The following AGBL4 variants were observed in gnomAD, a reference collection of about 807,000 sequenced individuals.
AGBL4 encodes the protein AGBL carboxypeptidase 4, also known as cytosolic carboxypeptidase 6.
Under a neutral mutation model 66.4 loss-of-function variants are expected in AGBL4, and 58 were observed. That is an observed-to-expected ratio of 0.87 (90% CI 0.71 to 1.09). The LOEUF is 1.09. Among genes scored for constraint, AGBL4 ranks in the 50% least tolerant of loss-of-function variants. The probability of loss-of-function intolerance (pLI) is 0.00; values close to 1 mark genes in which losing one functional copy is unlikely to be tolerated. For synonymous variants in AGBL4, 234 were observed against 222.9 expected (o/e 1.05, Z -0.44); for missense variants, 579 against 631.0 (o/e 0.92, Z 0.88).
intron 8 of AGBL4, among the ~76,000 whole-genome samples, chr1:48,647,101 C>T (rs1056004161): frequency 2.6e-5 from 4 of 152,184 alleles, no homozygotes; most frequent in Admixed American, 2.0e-4. Flanking sequence ...CTGGAGCATC[C>T]TTTGCTACAT....
At chr1:48,688,714 T>G (rs1266831438) in intron 6 of AGBL4, among the ~76,000 whole-genome samples, 1 of 152,044 alleles carries the variant, frequency 6.6e-6, no homozygotes, top group Non-Finnish European at 1.5e-5. Context: ...CTCCCAGCTT[T>G]GGACCAAAAG....
intron 1 of AGBL4, among the ~76,000 whole-genome samples, chr1:49,964,452 T>C (rs1045383794): frequency 6.6e-6 from 1 of 152,124 alleles, no homozygotes; most frequent in Non-Finnish European, 1.5e-5. Flanking sequence ...GTAAGAGTAC[T>C]AGAAGTAGCA....
At chr1:49,291,794 T>C (rs1014133277) in intron 3 of AGBL4, among the ~76,000 whole-genome samples, 2 of 152,172 alleles carry the variant, frequency 1.3e-5, no homozygotes, top group Non-Finnish European at 2.9e-5. Context: ...TGGCTGGGGC[T>C]GCACATTCCA....
chr1:48,924,982 A>T (rs1214934172), intron 5 of AGBL4, among the ~76,000 whole-genome samples: 1 of 152,174 alleles, frequency 6.6e-6, no homozygotes, highest in African/African-American at 2.4e-5. Context: ...AAATATTTTA[A>T]GTCAGAAACG....
chr1:48,760,567 G>A (rs902330159), intron 6 of AGBL4, among the ~76,000 whole-genome samples: 1 of 152,166 alleles, frequency 6.6e-6, no homozygotes, highest in African/African-American at 2.4e-5. Context: ...GAGACCCCTG[G>A]AGGCAAGGAC....
At chr1:49,980,570 T>C (rs1366848953) in intron 1 of AGBL4, among the ~76,000 whole-genome samples, 2 of 152,182 alleles carry the variant, frequency 1.3e-5, no homozygotes, top group Non-Finnish European at 2.9e-5. Context: ...GTCCTCCAGG[T>C]TCACCATGTT....
chr1:49,450,779 T>G (rs966258905), intron 3 of AGBL4, among the ~76,000 whole-genome samples: 1 of 152,090 alleles, frequency 6.6e-6, no homozygotes, highest in Non-Finnish European at 1.5e-5. Context: ...GAACTTTCAG[T>G]AAATCTGCCT....
At chr1:49,127,769 C>G (rs143810322) in intron 4 of AGBL4, among the ~76,000 whole-genome samples, 15 of 151,976 alleles carry the variant, frequency 9.9e-5, no homozygotes, top group Non-Finnish European at 2.2e-4. Context: ...CCAAACTATC[C>G]GTAGAGTAAA....
intron 5 of AGBL4, among the ~76,000 whole-genome samples, chr1:48,878,016 A>C (rs1260631959): frequency 6.6e-6 from 1 of 152,206 alleles, no homozygotes; most frequent in Non-Finnish European, 1.5e-5. Flanking sequence ...TTCACTCAGA[A>C]GTTTCATATT....
intron 3 of AGBL4, among the ~76,000 whole-genome samples, chr1:49,329,388 G>A (rs145865264): frequency 4.0e-5 from 6 of 151,828 alleles, no homozygotes; most frequent in Admixed American, 6.6e-5. Flanking sequence ...AAAATGTGCC[G>A]GGCGCGGTGG....
At chr1:48,729,122 T>A (rs1276878364) in intron 6 of AGBL4, among the ~76,000 whole-genome samples, 2 of 152,210 alleles carry the variant, frequency 1.3e-5, no homozygotes, top group Non-Finnish European at 2.9e-5. Context: ...TTTTTAATGC[T>A]GCCATGAGGC....
At chr1:48,641,786 C>G (rs1381055440) in intron 8 of AGBL4, among the ~76,000 whole-genome samples, 2 of 152,050 alleles carry the variant, frequency 1.3e-5, no homozygotes, top group Admixed American at 1.3e-4. Context: ...CCAGTCTGCC[C>G]AACTCTAAAG....
chr1:49,965,374 G>A (rs1228777938), intron 1 of AGBL4, among the ~76,000 whole-genome samples: 2 of 152,200 alleles, frequency 1.3e-5, no homozygotes, highest in Non-Finnish European at 2.9e-5. Context: ...AAAGCAGAGA[G>A]CTGAGAAGAG....
At chr1:48,776,703 GC>G (rs1480199258) in intron 6 of AGBL4, 2 of 1,519,344 alleles carry the variant, frequency 1.3e-6, no homozygotes, top group Admixed American at 2.1e-5. Context: ...ATTCCTCCGG[GC>G]CCCGGTACAC....
intron 1 of AGBL4, among the ~76,000 whole-genome samples, chr1:49,896,397 AC>A (rs921776668): frequency 6.6e-6 from 1 of 152,036 alleles, no homozygotes; most frequent in Non-Finnish European, 1.5e-5. Flanking sequence ...ATAGATTTTA[AC>A]AAAGCATTTC....
intron 3 of AGBL4, among the ~76,000 whole-genome samples, chr1:49,495,825 A>G (rs563618632): frequency 2.4e-4 from 37 of 152,190 alleles, no homozygotes; most frequent in African/African-American, 7.2e-4. Flanking sequence ...GCCCACAAGG[A>G]ATCAGAGGCA....
chr1:49,604,755 C>T (rs971588226), intron 3 of AGBL4, among the ~76,000 whole-genome samples: 1 of 152,012 alleles, frequency 6.6e-6, no homozygotes, highest in African/African-American at 2.4e-5. Flanking sequence ...GCTCTCTCTC[C>T]CCCATTTCCC....
chr1:49,903,295 A>T (rs1649953804), intron 1 of AGBL4, among the ~76,000 whole-genome samples: 3 of 152,146 alleles, frequency 2.0e-5, no homozygotes. Flanking sequence ...AGTGGGGTCT[A>T]AACAACAAGA....
At chr1:49,992,560 A>T (rs2148405254) in intron 1 of AGBL4, among the ~76,000 whole-genome samples, 1 of 151,680 alleles carries the variant, frequency 6.6e-6, no homozygotes, top group South Asian at 2.1e-4. Context: ...CCAATAACAC[A>T]AAAGCTACTT....
Sources: allele counts gnomAD v4.1 joint callset (sites outside exome capture counted in the v4.1 genomes callset), GRCh38; gene constraint gnomAD v4.1.1; transcripts MANE v1.5; gene names NCBI Gene and HGNC (gene_info 2026-07-23, HGNC 2026-07-21).